The following CNTNAP3B variants were observed in gnomAD, a reference collection of about 807,000 sequenced individuals.
CNTNAP3B encodes contactin-associated protein-like 3B.
CNTNAP3B carries 25 observed loss-of-function variants against 108.9 expected under a neutral mutation model. The ratio of observed to expected loss-of-function variants is 0.23; its 90% CI spans 0.17 to 0.32. CNTNAP3B has a LOEUF of 0.32. CNTNAP3B is among the 10% of genes least tolerant of loss of function. CNTNAP3B has a pLI of 1.00. For synonymous variants in CNTNAP3B, 103 were observed against 473.4 expected, an observed-to-expected ratio of 0.22 and a Z score of 10.16; for missense variants, 252 against 1,210.4, an observed-to-expected ratio of 0.21 and a Z score of 11.75.
Position 42,115,575 on chromosome 9 carries a change from C to A in CNTNAP3B, c.86-10836G>T, listed in dbSNP as rs1215879373. On this transcript the variant is annotated intron_variant, in intron 1 of 23. Transcript: ENST00000377561. ...TCTGCAATATTTGCTGTTCTGCAGC[C>A]TCTGCTGGTGATACCCAGGCAAACA... is the stretch of plus-strand genomic sequence containing the variant. Among the ~76,000 whole-genome samples the A allele has an allele frequency of 1.5e-5, 2 of 133,848 alleles. 1 individual carries two copies. The highest frequency in any genetic ancestry group is 1.5e-4 in the Admixed American group (2 of 13,262). The allele number at this position is 133,848 out of a possible 152,430, so 87.8% of individuals were successfully genotyped here. A position where few individuals can be genotyped will look rare whatever the true frequency, so the allele number is the denominator to read the frequency against.
chr9:42,063,078 T>G (rs538300910), intron 3 of CNTNAP3B, among the ~76,000 whole-genome samples: 1 of 105,176 alleles, frequency 9.5e-6, no homozygotes, highest in African/African-American at 3.6e-5. Context: ...AAAATTTGAC[T>G]TACTTTTGTA....
intron 11 of CNTNAP3B, among the ~76,000 whole-genome samples, chr9:41,963,802 C>T (rs1825179903): frequency 6.6e-6 from 1 of 152,422 alleles, no homozygotes; most frequent in South Asian, 2.1e-4. Flanking sequence ...AGCTGGGGGC[C>T]AAGTTACTTA....
chr9:41,962,072 T>C (rs1243394261), intron 11 of CNTNAP3B, among the ~76,000 whole-genome samples: 37 of 152,402 alleles, frequency 2.4e-4, no homozygotes, highest in African/African-American at 7.5e-4. Context: ...GTGAACTGTT[T>C]GGCTTTTTAA....
intron 9 of CNTNAP3B, among the ~76,000 whole-genome samples, chr9:41,976,977 A>G (rs1467315345): frequency 2.8e-5 from 4 of 143,460 alleles, no homozygotes; most frequent in African/African-American, 1.1e-4. Context: ...CAAATCTAAA[A>G]GCAAAAATGA....
chr9:41,972,674 A>G lies in CNTNAP3B; in HGVS notation c.1478-2429T>C, dbSNP rs1200496711. 4.4e-5 allele frequency among the ~76,000 whole-genome samples: 6 copies of G among 135,424 alleles called. 1 individual carries two copies. The highest frequency in any genetic ancestry group is 1.6e-5 in the Non-Finnish European group (1 of 63,774). The allele number at this position is 135,424 out of a possible 152,430, so 88.8% of individuals were successfully genotyped here. On this transcript the variant is annotated intron_variant, in intron 9 of 23. Coordinates refer to ENST00000377561, the MANE Select transcript of CNTNAP3B (RefSeq NM_001201380.3). ...ACACCATATTTGTTTAAAAGTTTGAAGACTAAAATCTTTTATATTTTTATA... is the reference window on the plus strand; with the variant it reads ...ACACCATATTTGTTTAAAAGTTTGAGGACTAAAATCTTTTATATTTTTATA...
chr9:42,099,416 C>T lies in CNTNAP3B; in HGVS notation c.196+5213G>A, dbSNP rs1478485274. The stretch of plus-strand genomic sequence containing the variant: ...GGTCCACCCATATAGTTAATCTCTT[C>T]AGGTGAGAAGCTATAAACATAAGAC... On this transcript the variant is annotated intron_variant, in intron 2 of 23. Transcript: ENST00000377561. Among the ~76,000 whole-genome samples the T allele has an allele frequency of 8.1e-5, 11 of 135,260 alleles. 2 individuals carry two copies. In the East Asian group the frequency reaches 2.1e-3, roughly 26 times the overall value. 88.7% of individuals were successfully genotyped at this position (135,260 alleles called of 152,430 possible).
At chr9:41,935,716 C>T (rs1824136860) in intron 14 of CNTNAP3B, among the ~76,000 whole-genome samples, 1 of 152,236 alleles carries the variant, frequency 6.6e-6, no homozygotes, top group Non-Finnish European at 1.5e-5. Flanking sequence ...CTACTGGAAG[C>T]TGCAAAGTAA....
Position 41,981,916 on chromosome 9 carries a change from T to A in CNTNAP3B, c.1477+4252A>T, listed in dbSNP as rs1254330337. ...ACAATAATAATAATAATAATAATAATAAATTAGCTGAATGTGGTGGCACGT... is the reference window on the plus strand; with the variant it reads ...ACAATAATAATAATAATAATAATAAAAAATTAGCTGAATGTGGTGGCACGT... On this transcript the variant is annotated intron_variant, in intron 9 of 23. Coordinates refer to ENST00000377561, the MANE Select transcript of CNTNAP3B (RefSeq NM_001201380.3). Among the ~76,000 whole-genome samples the A allele has an allele frequency of 6.9e-4, 29 of 41,838 alleles. 1 individual carries two copies. Among genetic ancestry groups the A allele is most frequent in the East Asian group, 5.4e-3 (2 of 370 alleles). 27.4% of individuals were successfully genotyped at this position (41,838 alleles called of 152,430 possible).
At chr9:42,097,146 T>C (rs1827917922) in intron 2 of CNTNAP3B, among the ~76,000 whole-genome samples, 1 of 140,120 alleles carries the variant, frequency 7.1e-6, no homozygotes, top group Non-Finnish European at 1.5e-5. Flanking sequence ...ATTCACCAAG[T>C]TCACATTGGA....
At chr9:41,930,681 A>C (rs1391995665) in intron 14 of CNTNAP3B, among the ~76,000 whole-genome samples, 1 of 152,306 alleles carries the variant, frequency 6.6e-6, no homozygotes, top group Non-Finnish European at 1.5e-5. Context: ...CAGCCTATTG[A>C]ATACCATGAG....
chr9:42,106,335 T>C (rs1828089229), intron 1 of CNTNAP3B, among the ~76,000 whole-genome samples: 1 of 78,378 alleles, frequency 1.3e-5, no homozygotes, highest in Non-Finnish European at 2.6e-5. Flanking sequence ...TAAGTGACAA[T>C]GTCACATTTA....
chr9:41,940,833 A>T (rs1268066854), intron 13 of CNTNAP3B, among the ~76,000 whole-genome samples: 1 of 152,210 alleles, frequency 6.6e-6, no homozygotes, highest in East Asian at 1.9e-4. Flanking sequence ...TAACAACAAC[A>T]AAAAACCTTT....
chr9:41,951,656 G>C (rs1234258923), intron 13 of CNTNAP3B, among the ~76,000 whole-genome samples: 2 of 152,328 alleles, frequency 1.3e-5, no homozygotes, highest in Non-Finnish European at 2.9e-5. Context: ...TTCAAACTTT[G>C]AATGCAACCA....
intron 13 of CNTNAP3B, among the ~76,000 whole-genome samples, chr9:41,952,072 T>C (rs1345270491): frequency 1.7e-4 from 26 of 152,230 alleles, no homozygotes; most frequent in African/African-American, 5.8e-4. Context: ...GAGAGGTCAA[T>C]CCAGGCAGAG....
intron 10 of CNTNAP3B, among the ~76,000 whole-genome samples, chr9:41,967,608 A>G (rs865956814): frequency 6.6e-6 from 1 of 152,294 alleles, no homozygotes; most frequent in Non-Finnish European, 1.5e-5. Context: ...CAGGATACTT[A>G]AAAGTGAATT....
At chr9:42,054,726 G>C (rs1381753525) in intron 3 of CNTNAP3B, among the ~76,000 whole-genome samples, 4 of 151,654 alleles carry the variant, frequency 2.6e-5, no homozygotes, top group African/African-American at 9.7e-5. Flanking sequence ...ATTACAACTA[G>C]AATTTGAAGG....
At chr9:41,935,822 T>C (rs1419944019) in intron 14 of CNTNAP3B, among the ~76,000 whole-genome samples, 4 of 152,286 alleles carry the variant, frequency 2.6e-5, no homozygotes, top group African/African-American at 4.8e-5. Context: ...CCTGAATTTT[T>C]TTCCAAATGA....
At chr9:41,934,570 G>T (rs1204472433) in intron 14 of CNTNAP3B, among the ~76,000 whole-genome samples, 504 of 152,062 alleles carry the variant, frequency 3.3e-3, no homozygotes, top group African/African-American at 0.011. Context: ...AGTGTAGTGA[G>T]ATCTTTCTAG....
At chr9:41,945,445 G>A (rs1283808835) in intron 13 of CNTNAP3B, among the ~76,000 whole-genome samples, 1,241 of 151,518 alleles carry the variant, frequency 8.2e-3, no homozygotes, top group African/African-American at 0.029. Context: ...CATGAAAAAG[G>A]ATGAGTTCAT....
Sources: allele counts gnomAD v4.1 joint callset (sites outside exome capture counted in the v4.1 genomes callset), GRCh38; gene constraint gnomAD v4.1.1; transcripts MANE v1.5; gene names NCBI Gene and HGNC (gene_info 2026-07-23, HGNC 2026-07-21).